SIK2: variants seen among roughly 807,000 people sequenced by gnomAD.
SIK2 encodes salt inducible kinase 2.
Under a neutral mutation model 103.2 loss-of-function variants are expected in SIK2, and 29 were observed. That is an observed-to-expected ratio of 0.28 (90% CI 0.21 to 0.38). The LOEUF (loss-of-function observed/expected upper bound fraction) is 0.38, where lower values mean the gene tolerates loss of function less well. SIK2 is among the 10% of genes least tolerant of loss of function. SIK2 has a pLI of 1.00. For missense variants in SIK2, 879 were observed against 1,171.0 expected, an observed-to-expected ratio of 0.75 and a Z score of 3.64; for synonymous variants, 412 against 446.1, an observed-to-expected ratio of 0.92 and a Z score of 0.96.
At chr11:111,682,537 A>C (rs1942790250) in intron 3 of SIK2, among the ~76,000 whole-genome samples, 1 of 152,230 alleles carries the variant, frequency 6.6e-6, no homozygotes, top group Non-Finnish European at 1.5e-5. Flanking sequence ...TATTGCACTT[A>C]TGTAAGAAAA....
Position 111,631,059 on chromosome 11 carries a change from C to T in SIK2, c.316+10657C>T, listed in dbSNP as rs571831640. On this transcript the variant is annotated intron_variant, in intron 3 of 14. Coordinates refer to ENST00000304987, the MANE Select transcript of SIK2 (RefSeq NM_015191.3). ...AGACAAGAGACAATGGGATTAAGGG[C>T]ACAGAGGGAATGATTAGTTTAGAAG... Among the ~76,000 whole-genome samples the T allele has an allele frequency of 3.1e-3, 467 of 152,134 alleles. 7 individuals carry two copies. Among genetic ancestry groups the T allele is most frequent in the Non-Finnish European group, 6.0e-4 (41 of 67,972 alleles).
intron 3 of SIK2, among the ~76,000 whole-genome samples, chr11:111,668,455 A>T (rs1408572847): frequency 6.6e-6 from 1 of 152,152 alleles, no homozygotes; most frequent in African/African-American, 2.4e-5. Context: ...ATTCTGTGTC[A>T]AGGGTTAAGG....
chr11:111,608,503 G>A (rs1045041634), intron 1 of SIK2, among the ~76,000 whole-genome samples: 2 of 152,094 alleles, frequency 1.3e-5, no homozygotes, highest in African/African-American at 4.8e-5. Flanking sequence ...TTAATATTTG[G>A]TTCATCTTCT....
intron 3 of SIK2, among the ~76,000 whole-genome samples, chr11:111,664,458 A>T (rs1942508192): frequency 6.6e-6 from 1 of 152,128 alleles, no homozygotes; most frequent in Non-Finnish European, 1.5e-5. Context: ...TCTACTCAAA[A>T]TACAAAAATT....
At chr11:111,643,688 G>C (rs1177995717) in intron 3 of SIK2, among the ~76,000 whole-genome samples, 1 of 151,508 alleles carries the variant, frequency 6.6e-6, no homozygotes, top group East Asian at 1.9e-4. Flanking sequence ...GTGCGCGCCT[G>C]TACTCCCAGC....
At chr11:111,715,321 A>G (rs558830193) in intron 9 of SIK2, among the ~76,000 whole-genome samples, 3 of 152,376 alleles carry the variant, frequency 2.0e-5, no homozygotes, top group South Asian at 4.1e-4. Context: ...ACACACACAC[A>G]GAAAAACTTA....
chr11:111,709,052 C>A lies in SIK2; in HGVS notation c.1102-3159C>A, dbSNP rs185330023. Among the ~76,000 whole-genome samples, 8 of 152,270 alleles carry A rather than the reference C, an allele frequency of 5.3e-5. No individual in the cohort carries two copies. In the East Asian group the frequency reaches 1.5e-3, roughly 29 times the overall value. On this transcript the variant is annotated intron_variant, in intron 8 of 14. Transcript: ENST00000304987. ...GGTTGTGCCTGTTTGCTAGGGCTGCCGTAACGAAATACCACAGACCTAGTG... is the reference window on the plus strand; with the variant it reads ...GGTTGTGCCTGTTTGCTAGGGCTGCAGTAACGAAATACCACAGACCTAGTG...
chr11:111,680,607 A>G (rs1942764395), intron 3 of SIK2, among the ~76,000 whole-genome samples: 1 of 152,158 alleles, frequency 6.6e-6, no homozygotes, highest in South Asian at 2.1e-4. Context: ...TTTCTGACTG[A>G]AGAACATGAG....
chr11:111,664,307 G>C (rs565109665), intron 3 of SIK2, among the ~76,000 whole-genome samples: 1 of 152,282 alleles, frequency 6.6e-6, no homozygotes, highest in East Asian at 1.9e-4. Context: ...GCAGACTGGA[G>C]TGTGGGAGAG....
chr11:111,713,859 C>T (rs958425318), intron 9 of SIK2, among the ~76,000 whole-genome samples: 6 of 151,966 alleles, frequency 3.9e-5, no homozygotes, highest in African/African-American at 1.2e-4. Context: ...CCCAGCTACT[C>T]GGGAGGCTGA....
At chr11:111,606,283 A>G (rs1028484707) in intron 1 of SIK2, among the ~76,000 whole-genome samples, 29 of 152,184 alleles carry the variant, frequency 1.9e-4, no homozygotes, top group African/African-American at 6.5e-4. Flanking sequence ...AAGAAAGAAA[A>G]ATAAATAAAG....
intron 9 of SIK2, among the ~76,000 whole-genome samples, chr11:111,717,510 C>A (rs1323427822): frequency 6.6e-6 from 1 of 152,056 alleles, no homozygotes; most frequent in Non-Finnish European, 1.5e-5. Flanking sequence ...TAAATTAGTT[C>A]AACCATTGTG....
intron 9 of SIK2, among the ~76,000 whole-genome samples, chr11:111,713,280 T>G (rs1943551221): frequency 6.6e-6 from 1 of 152,240 alleles, no homozygotes. Context: ...TTCCAATGTG[T>G]ATTATATATA....
chr11:111,721,257 TG>T (rs1420043618), intron 12 of SIK2, among the ~76,000 whole-genome samples, 195 bp downstream of exon 12: 2 of 152,196 alleles, frequency 1.3e-5, no homozygotes, highest in Admixed American at 1.3e-4. Flanking sequence ...TGCTTCCAAG[TG>T]ATCAATACCA....
intron 3 of SIK2, among the ~76,000 whole-genome samples, chr11:111,657,618 G>A (rs1438146558): frequency 6.6e-6 from 1 of 152,160 alleles, no homozygotes; most frequent in African/African-American, 2.4e-5. Flanking sequence ...CGAGGTCCTG[G>A]CCTCAAGCGA....
rs145747260 is a variant in SIK2 at position 111,661,718 on chromosome 11, A to G, written c.317-26283A>G. Among the ~76,000 whole-genome samples the G allele has an allele frequency of 8.3e-3, 1,262 of 152,350 alleles. 29 individuals carry two copies. The highest frequency in any genetic ancestry group is 0.028 in the African/African-American group (1,180 of 41,592). On this transcript the variant is annotated intron_variant, in intron 3 of 14. Transcript: ENST00000304987. ...ACATGGCCAGGGAGGCCTTACAATC[A>G]TGGCAGAAGGCGAAGGAGGAGCAAA...
At position 111,722,625 on chromosome 11, in the gene SIK2, A is replaced by G. The variant is rs773491082; in HGVS notation, c.2056-40A>G. ...ATCTGATGACTGCATCCTAGGTGAC[A>G]GCACATTGTCACGCTCATGTTGTTT... On this transcript the variant is annotated intron_variant, in intron 13 of 14. Coordinates refer to ENST00000304987, the MANE Select transcript of SIK2 (RefSeq NM_015191.3). This position sits in a 1 kb window ranked among gnomAD's most constrained non-coding sequence, Gnocchi z 4.4. 26 of 1,586,092 alleles carry G rather than the reference A, an allele frequency of 1.6e-5. No individual in the cohort carries two copies. The highest frequency in any genetic ancestry group is 1.3e-5 in the African/African-American group (1 of 74,150).
intron 3 of SIK2, among the ~76,000 whole-genome samples, chr11:111,668,332 AATTT>A (rs1376367295): frequency 2.6e-5 from 4 of 152,168 alleles, no homozygotes; most frequent in African/African-American, 9.7e-5. Context: ...TATATGCCAT[AATTT>A]ATTTAACCAT....
At chr11:111,644,844 G>C (rs908610805) in intron 3 of SIK2, among the ~76,000 whole-genome samples, 1 of 152,030 alleles carries the variant, frequency 6.6e-6, no homozygotes, top group African/African-American at 2.4e-5. Context: ...CATTTTTTGA[G>C]TCACTGAGTA....
Sources: allele counts gnomAD v4.1 joint callset (sites outside exome capture counted in the v4.1 genomes callset), GRCh38; gene constraint gnomAD v4.1.1; non-coding constraint Gnocchi (gnomAD v3.1); transcripts MANE v1.5; gene names NCBI Gene and HGNC (gene_info 2026-07-23, HGNC 2026-07-21).